The following KNL1 variants were observed in gnomAD, a reference collection of about 807,000 sequenced individuals.
KNL1 encodes the protein outer kinetochore KNL1 complex subunit KNL1.
Under a neutral mutation model 201.3 loss-of-function variants are expected in KNL1, and 66 were observed. The ratio of observed to expected loss-of-function variants is 0.33; its 90% CI spans 0.27 to 0.40. The LOEUF (loss-of-function observed/expected upper bound fraction) is 0.40, where lower values mean the gene tolerates loss of function less well. KNL1 is among the 10% of genes least tolerant of loss of function. KNL1 has a pLI of 1.00. For missense variants in KNL1, 2,815 were observed against 2,690.5 expected (o/e 1.05, Z -1.02); for synonymous variants, 895 against 899.2 (o/e 1.00, Z 0.08).
intron 6 of KNL1, chr15:40,610,753 T>C: frequency 2.2e-6 from 1 of 453,236 alleles, no homozygotes; most frequent in South Asian, 1.6e-5. Flanking sequence ...TAAGTAAATT[T>C]ATTTATTTAT....
chr15:40,630,089 G>T (rs1595932240), intron 13 of KNL1, among the ~76,000 whole-genome samples: 1 of 152,246 alleles, frequency 6.6e-6, no homozygotes, highest in East Asian at 1.9e-4. Flanking sequence ...TACTCAAGAG[G>T]CTGAGGTGGA....
chr15:40,621,234 A>G lies in KNL1; in HGVS notation c.970A>G (p.Asn324Asp). 1 of 1,613,378 alleles carries G rather than the reference A, an allele frequency of 6.2e-7. No individual in the cohort carries two copies. The highest frequency in any genetic ancestry group is 1.3e-5 in the African/African-American group (1 of 75,046). Residue 324 changes from asparagine to aspartate, a missense_variant, in exon 10 of 26, where the codon AAC (asparagine) becomes GAC (aspartate). Asn to Asp is a conservative substitution (Grantham distance 23). Transcript: ENST00000399668. ...CAATGACTTTATGGACTTGACATTTAACCACACTTTGCAGATCTTACCTGC... is the reference window on the plus strand; with the variant it reads ...CAATGACTTTATGGACTTGACATTTGACCACACTTTGCAGATCTTACCTGC... ...YGNDFMDLTF[N>D]HTLQILPATG...
chr15:40,653,936 G>C (rs1192694677), intron 21 of KNL1, among the ~76,000 whole-genome samples: 1 of 152,142 alleles, frequency 6.6e-6, no homozygotes, highest in Non-Finnish European at 1.5e-5. Flanking sequence ...TCAGTGATCA[G>C]TTTCTCACCC....
chr15:40,603,323 T>C (rs956719285), intron 2 of KNL1, among the ~76,000 whole-genome samples: 1 of 151,936 alleles, frequency 6.6e-6, no homozygotes. Flanking sequence ...CACCTACGAG[T>C]GAGAACATGC....
chr15:40,658,844 C>T (rs1364724435), intron 24 of KNL1, among the ~76,000 whole-genome samples: 3 of 151,068 alleles, frequency 2.0e-5, no homozygotes, highest in South Asian at 2.1e-4. Context: ...GCAGGAGAAT[C>T]GCTTGAACCT....
At position 40,628,124 on chromosome 15, in the gene KNL1, A is replaced by G. The variant is rs750285612; in HGVS notation, c.5431A>G (p.Ile1811Val). 6.3e-5 allele frequency: 102 copies of G among 1,612,764 alleles called. No homozygotes were observed. Among genetic ancestry groups the G allele is most frequent in the Non-Finnish European group, 8.0e-5 (94 of 1,179,574 alleles). ...DIDKSANSVL[I>V]KNLSRTPSSC... ...AGATAAAAGTGCTAACAGTGTATTG[A>G]TAAAAAACCTGAGCAGGACCCCATC... is the stretch of plus-strand genomic sequence containing the variant. Residue 1811 changes from isoleucine (I) to valine (V), a missense_variant, in exon 11 of 26, where the codon ATA becomes GTA. This residue lies in a region of KNL1 where 2,464 missense variants were observed against 2,291.7 expected (regional missense o/e 1.08). Coordinates refer to ENST00000399668, the MANE Select transcript of KNL1 (RefSeq NM_144508.5).
intron 23 of KNL1, 51 bp from the exon 24 acceptor site, chr15:40,657,304 C>A: frequency 8.6e-7 from 1 of 1,169,268 alleles, no homozygotes; most frequent in Non-Finnish European, 1.3e-6. Flanking sequence ...AGCCACTAAG[C>A]ATTGAAATGT....
Position 40,623,601 on chromosome 15 carries a change from G to T in KNL1, c.3337G>T (p.Ala1113Ser). Residue 1113 changes from alanine to serine, a missense_variant, in exon 10 of 26, where the codon GCT becomes TCT. By Grantham distance (99) the Ala-to-Ser change is moderately conservative. Around this residue, in one of 3 missense-constraint regions of KNL1, gnomAD observed 2,464 missense variants for 2,291.7 expected, o/e 1.08. Coordinates refer to ENST00000399668, the MANE Select transcript of KNL1 (RefSeq NM_144508.5). ...EDKEDFHLAG[A>S]SKTILYSCGQ... ...TAAAGAGGACTTCCATTTGGCAGGG[G>T]CTTCTAAAACTATTTTGTATTCATG... 6.2e-7 allele frequency: 1 copy of T among 1,613,406 alleles called. No homozygotes were observed. The highest frequency in any genetic ancestry group is 8.5e-7 in the Non-Finnish European group (1 of 1,179,788).
rs1893676605 is a variant in KNL1 at position 40,654,941 on chromosome 15, A to G, written c.6448A>G (p.Lys2150Glu). ...GFPFLDKRYR[K>E]IVDVNFQSLL... Reference sequence around the variant, plus strand: ...CCCTTTCCTGGACAAGCGTTATAGGAAGATTGTTGATGTCAATTTTCAATC... The same window carrying G: ...CCCTTTCCTGGACAAGCGTTATAGGGAGATTGTTGATGTCAATTTTCAATC... Residue 2150 changes from lysine (K) to glutamate (E), a missense_variant, in exon 22 of 26, where the codon AAG becomes GAG. Coordinates refer to ENST00000399668, the MANE Select transcript of KNL1 (RefSeq NM_144508.5). The G allele has an allele frequency of 6.2e-7, 1 of 1,613,190 alleles. No homozygotes were observed. The highest frequency in any genetic ancestry group is 1.1e-5 in the South Asian group (1 of 91,080).
chr15:40,633,225 C>T (rs1034626419), intron 13 of KNL1, among the ~76,000 whole-genome samples: 3 of 150,990 alleles, frequency 2.0e-5, no homozygotes, highest in East Asian at 2.0e-4. Flanking sequence ...GCTACTGAAT[C>T]GCTTGAACCC....
chr15:40,658,478 G>A (rs1351575073), intron 24 of KNL1, among the ~76,000 whole-genome samples: 4 of 133,538 alleles, frequency 3.0e-5, no homozygotes, highest in Non-Finnish European at 4.6e-5. Flanking sequence ...GCAGTGAGCC[G>A]AGATCACGCC....
At chr15:40,659,785 T>C (rs1893851331) in intron 25 of KNL1, among the ~76,000 whole-genome samples, 2 of 152,010 alleles carry the variant, frequency 1.3e-5, no homozygotes, top group Admixed American at 1.3e-4. Context: ...CAGCAAGGAC[T>C]ACTTTTTAAT....
Position 40,652,760 on chromosome 15 carries a change from C to CA in KNL1, c.6415+673dup, listed in dbSNP as rs3986318. Among the ~76,000 whole-genome samples, 660 of 116,762 alleles carry CA rather than the reference C, an allele frequency of 5.7e-3. 31 individuals are homozygous for CA. The highest frequency in any genetic ancestry group is 0.049 in the South Asian group (169 of 3,430). The allele number at this position is 116,762 out of a possible 152,430, so 76.6% of individuals were successfully genotyped here. On this transcript the variant is annotated intron_variant, in intron 21 of 25. Transcript: ENST00000399668. Reference sequence around the variant, plus strand: ...CCTGGGCAACAGAGCAAAACTGTCTCAAAAAAAAAAAAAAAAAAGAATGAG... The same window carrying CA: ...CCTGGGCAACAGAGCAAAACTGTCTCAAAAAAAAAAAAAAAAAAAGAATGAG...
Position 40,623,283 on chromosome 15 carries a change from C to T in KNL1, c.3019C>T (p.Arg1007Cys), listed in dbSNP as rs757704009. ...VFFPGNGESD[R>C]LVANDSQLTP... ...CTTTCCAGGAAATGGTGAAAGTGAC[C>T]GTCTAGTAGCAAATGACAGCCAGCT... Residue 1007 changes from arginine to cysteine, a missense_variant, in exon 10 of 26, where the codon CGT (arginine) becomes TGT (cysteine). Arg to Cys is a radical substitution (Grantham distance 180, BLOSUM62 -3). Transcript: ENST00000399668. 9.3e-6 allele frequency: 15 copies of T among 1,613,738 alleles called. No individual in the cohort carries two copies. Among genetic ancestry groups the T allele is most frequent in the South Asian group, 6.6e-5 (6 of 91,062 alleles).
chr15:40,659,105 C>G (rs986679444), intron 24 of KNL1, among the ~76,000 whole-genome samples: 4 of 151,816 alleles, frequency 2.6e-5, no homozygotes, highest in African/African-American at 9.7e-5. Context: ...TGGCGAAACC[C>G]TGTCTCTACT....
intron 13 of KNL1, among the ~76,000 whole-genome samples, chr15:40,638,867 A>C (rs1893137732): frequency 6.8e-6 from 1 of 147,014 alleles, no homozygotes; most frequent in South Asian, 2.1e-4. Context: ...GCTGGAGTGC[A>C]ATGGCACTGT....
At chr15:40,636,044 A>T (rs1319045112) in intron 13 of KNL1, among the ~76,000 whole-genome samples, 3 of 151,556 alleles carry the variant, frequency 2.0e-5, no homozygotes, top group Admixed American at 2.0e-4. Flanking sequence ...CGCCATGTTG[A>T]CCAGGCTGGT....
rs140026244 is a variant in KNL1, at chr15:40,625,708, G to A, written c.5376+68G>A. ...TTTTGTTTTGTTTTCTTAAATTGTG[G>A]GTATTCTCAAATTTTAATCTTAGTC... On this transcript the variant is annotated intron_variant, in intron 10 of 25. Coordinates refer to ENST00000399668, the MANE Select transcript of KNL1 (RefSeq NM_144508.5). 76 of 1,239,394 alleles carry A rather than the reference G, an allele frequency of 6.1e-5. No homozygotes were observed. The African/African-American group carries it at 1.1e-3, about 17-fold the overall frequency. The allele number at this position is 1,239,394 out of a possible 1,614,324, so 76.8% of individuals were successfully genotyped here. A position where few individuals can be genotyped will look rare whatever the true frequency, so the allele number is the denominator to read the frequency against.
chr15:40,609,899 AAAT>A (rs1198359723), intron 5 of KNL1, among the ~76,000 whole-genome samples: 1 of 152,154 alleles, frequency 6.6e-6, no homozygotes. Context: ...TAGAAATAAA[AAAT>A]ATTAGTCAGG....
Sources: gnomAD v4.1 joint callset for allele counts (sites outside exome capture counted in the v4.1 genomes callset) on GRCh38, gnomAD v4.1.1 for gene constraint, gnomAD v4.1.1 regional missense constraint, MANE v1.5 for transcripts, NCBI Gene and HGNC (gene_info 2026-07-23, HGNC 2026-07-21) for gene names.